The following ACBD6 variants were observed in gnomAD, a reference collection of about 807,000 sequenced individuals.
ACBD6 encodes acyl-CoA-binding domain-containing protein 6.
In ACBD6, 28 loss-of-function variants were observed where a neutral mutation model predicts 37.2. That is an observed-to-expected ratio of 0.75 (90% CI 0.56 to 1.03). The LOEUF (loss-of-function observed/expected upper bound fraction) is 1.03. Ranked by LOEUF, ACBD6 falls within the 50% of genes least tolerant of loss-of-function variation. The probability of loss-of-function intolerance (pLI) is 0.00; values close to 1 mark genes in which losing one functional copy is unlikely to be tolerated. For synonymous variants in ACBD6, 113 were observed against 126.8 expected (o/e 0.89, Z 0.73); for missense variants, 340 against 337.4 (o/e 1.01, Z -0.06).
intron 6 of ACBD6, among the ~76,000 whole-genome samples, chr1:180,327,975 C>T (rs1363173941): frequency 1.3e-5 from 2 of 152,138 alleles, no homozygotes; most frequent in African/African-American, 4.8e-5. Context: ...TTTCTTGTAT[C>T]TCCAAATTGT....
intron 7 of ACBD6, among the ~76,000 whole-genome samples, chr1:180,300,782 C>A (rs931890689): frequency 6.6e-6 from 1 of 152,050 alleles, no homozygotes; most frequent in Non-Finnish European, 1.5e-5. Flanking sequence ...TAAAAGCACA[C>A]AGACAGAAAT....
chr1:180,270,315 A>T (rs1027183513), exon 14 of ACBD6: 2 of 152,310 alleles, frequency 1.3e-5, no homozygotes. Context: ...ACAGAGAGGA[A>T]GTCAGGAATG....
intron 6 of ACBD6, among the ~76,000 whole-genome samples, chr1:180,358,819 A>G (rs1444323577): frequency 1.3e-5 from 2 of 152,222 alleles, no homozygotes; most frequent in Non-Finnish European, 2.9e-5. Flanking sequence ...CACCAGGCCC[A>G]TGTCAGACCA....
At chr1:180,381,702 T>A (rs1252238803) in intron 6 of ACBD6, among the ~76,000 whole-genome samples, 1 of 152,082 alleles carries the variant, frequency 6.6e-6, no homozygotes, top group African/African-American at 2.4e-5. Flanking sequence ...CCAAAACCTA[T>A]GGGATACAGT....
At chr1:180,340,830 C>A (rs180797170) in intron 6 of ACBD6, among the ~76,000 whole-genome samples, 1 of 151,922 alleles carries the variant, frequency 6.6e-6, no homozygotes, top group Non-Finnish European at 1.5e-5. Context: ...TGAGAATTTG[C>A]GGAAGTTCTT....
At chr1:180,431,412 T>C (rs1648808708) in intron 3 of ACBD6, among the ~76,000 whole-genome samples, 1 of 152,152 alleles carries the variant, frequency 6.6e-6, no homozygotes, top group Non-Finnish European at 1.5e-5. Context: ...AGTATGATGC[T>C]AGCAAACAAG....
At chr1:180,482,864 G>C (rs1015219424) in intron 3 of ACBD6, among the ~76,000 whole-genome samples, 3 of 152,174 alleles carry the variant, frequency 2.0e-5, no homozygotes, top group African/African-American at 7.2e-5. Flanking sequence ...GAAAGTGTGT[G>C]AGTGTGTGGG....
chr1:180,455,997 G>A (rs933270345), intron 3 of ACBD6, among the ~76,000 whole-genome samples: 2 of 152,104 alleles, frequency 1.3e-5, no homozygotes, highest in African/African-American at 4.8e-5. Flanking sequence ...GATCACCTGA[G>A]GTCAGGAGTT....
chr1:180,457,223 C>T (rs1649960179), intron 3 of ACBD6, among the ~76,000 whole-genome samples: 1 of 152,118 alleles, frequency 6.6e-6, no homozygotes, highest in Non-Finnish European at 1.5e-5. Context: ...GCAGTAAAAC[C>T]TGAACCTTCA....
At chr1:180,428,768 A>C (rs1427613983) in intron 4 of ACBD6, among the ~76,000 whole-genome samples, 1 of 152,266 alleles carries the variant, frequency 6.6e-6, no homozygotes, top group Non-Finnish European at 1.5e-5. Context: ...ATATTGTTAG[A>C]AACTTAAGCT....
At chr1:180,444,028 C>A (rs748626019) in intron 3 of ACBD6, among the ~76,000 whole-genome samples, 1 of 151,814 alleles carries the variant, frequency 6.6e-6, no homozygotes, top group African/African-American at 2.4e-5. Context: ...TTGTTTTTGG[C>A]AAAAGGGTAA....
chr1:180,358,271 A>G (rs1472699788), intron 6 of ACBD6, among the ~76,000 whole-genome samples: 3 of 152,182 alleles, frequency 2.0e-5, no homozygotes, highest in African/African-American at 7.2e-5. Context: ...TACTAAAAAT[A>G]CAAACATTAG....
At chr1:180,282,899 A>G (rs1280242214) in intron 8 of ACBD6, among the ~76,000 whole-genome samples, 2 of 152,124 alleles carry the variant, frequency 1.3e-5, no homozygotes, top group Non-Finnish European at 2.9e-5. Context: ...GGATTTAAAC[A>G]GCAATGCACA....
chr1:180,495,636 G>C, intron 1 of ACBD6, 111 bp from the exon 2 acceptor site: 1 of 807,370 alleles, frequency 1.2e-6, no homozygotes, highest in Non-Finnish European at 2.0e-6. Flanking sequence ...GAAAATATTT[G>C]CATCTATATG....
chr1:180,395,842 C>T (rs1039745245), intron 6 of ACBD6, among the ~76,000 whole-genome samples: 1 of 152,154 alleles, frequency 6.6e-6, no homozygotes, highest in African/African-American at 2.4e-5. Context: ...CTTGAACAGA[C>T]ATTTGTACAC....
chr1:180,349,283 A>C (rs182266130), intron 6 of ACBD6, among the ~76,000 whole-genome samples: 84 of 150,904 alleles, frequency 5.6e-4, no homozygotes, highest in African/African-American at 1.9e-3. Flanking sequence ...TTTTTTTGGA[A>C]ACGTCTCGCT....
chr1:180,401,006 CTT>C lies in ACBD6; in HGVS notation c.574-3403_574-3402del, dbSNP rs72471228. Among the ~76,000 whole-genome samples, 1,016 of 152,216 alleles carry C rather than the reference CTT, an allele frequency of 6.7e-3. 17 individuals carry two copies. Among genetic ancestry groups the C allele is most frequent in the African/African-American group, 0.023 (970 of 41,522 alleles). On this transcript the variant is annotated intron_variant, in intron 5 of 7. Coordinates refer to ENST00000367595, the MANE Select transcript of ACBD6 (RefSeq NM_032360.4). ...TCTTTTTCCATGAGTGATATAATCTCTTATAAATTTTCAAGTTAAATTTATTT... is the reference window on the plus strand; with the variant it reads ...TCTTTTTCCATGAGTGATATAATCTCATAAATTTTCAAGTTAAATTTATTT...
intron 3 of ACBD6, among the ~76,000 whole-genome samples, chr1:180,451,670 A>G (rs143072911): frequency 1.6e-3 from 246 of 152,360 alleles, no homozygotes; most frequent in South Asian, 3.7e-3. Context: ...GAATAGGCAA[A>G]TCTATAGAAA....
At chr1:180,366,589 T>C (rs1653064007) in intron 6 of ACBD6, among the ~76,000 whole-genome samples, 2 of 152,158 alleles carry the variant, frequency 1.3e-5, no homozygotes, top group Admixed American at 1.3e-4. Flanking sequence ...CTCAGAGTAA[T>C]TTGAACTTGA....
Sources: gnomAD v4.1 joint callset for allele counts (sites outside exome capture counted in the v4.1 genomes callset) on GRCh38, gnomAD v4.1.1 for gene constraint, MANE v1.5 for transcripts, NCBI Gene and HGNC (gene_info 2026-07-23, HGNC 2026-07-21) for gene names.